Variants in ARHGAP23 observed in about 807,000 individuals in gnomAD.
ARHGAP23 encodes the protein rho GTPase-activating protein 23.
A neutral mutation model predicts 136.3 loss-of-function variants in ARHGAP23; 34 were observed. The observed-to-expected ratio is 0.25, with a 90% confidence interval of 0.19 to 0.33. The LOEUF (loss-of-function observed/expected upper bound fraction) is 0.33. Among genes scored for constraint, ARHGAP23 ranks in the 10% least tolerant of loss-of-function variants. ARHGAP23 has a pLI of 1.00. For synonymous variants in ARHGAP23, 832 were observed against 920.5 expected (o/e 0.90, Z 1.74); for missense variants, 1,808 against 2,139.0 (o/e 0.85, Z 3.05).
At chr17:38,496,587 A>G (rs1384233443) in intron 20 of ARHGAP23, among the ~76,000 whole-genome samples, 1 of 152,210 alleles carries the variant, frequency 6.6e-6, no homozygotes, top group South Asian at 2.1e-4. Flanking sequence ...GTCTTTGTGT[A>G]GTAAATTTTC....
chr17:38,489,449 A>G (rs531959608), intron 17 of ARHGAP23, among the ~76,000 whole-genome samples: 50 of 135,276 alleles, frequency 3.7e-4, no homozygotes, highest in African/African-American at 1.3e-3. Context: ...TGCCTTTATC[A>G]TATAATAAAT....
In ARHGAP23 at chr17:38,466,341, C is replaced by T. The variant is rs774256741; in HGVS notation, c.658C>T (p.Arg220Trp). The T allele has an allele frequency of 1.0e-5, 16 of 1,542,852 alleles. No homozygotes were observed. Among genetic ancestry groups the T allele is most frequent in the African/African-American group, 2.7e-5 (2 of 72,976 alleles). Residue 220 changes from arginine to tryptophan, a missense_variant, in exon 7 of 24, where the codon CGG becomes TGG. Transcript: ENST00000622683. ...CACCTCAGCACTGCCCAGTGACCCC[C>T]GGAGTCCTGCTGCCTGGAGTGACCC... ...EPTSALPSDP[R>W]SPAAWSDPGL...
intron 22 of ARHGAP23, chr17:38,498,965 G>A: frequency 1.4e-6 from 1 of 700,092 alleles, no homozygotes. Flanking sequence ...GTACAGTGCG[G>A]TGTCGCGGCC....
chr17:38,423,193 T>A (rs1372486212), intron 1 of ARHGAP23, among the ~76,000 whole-genome samples: 1 of 151,314 alleles, frequency 6.6e-6, no homozygotes, highest in African/African-American at 2.4e-5. Context: ...AGGTGCTCAA[T>A]AATTTTTTTT....
intron 1 of ARHGAP23, among the ~76,000 whole-genome samples, chr17:38,447,517 C>T (rs1429315460): frequency 2.0e-5 from 3 of 148,772 alleles, no homozygotes; most frequent in African/African-American, 7.4e-5. Flanking sequence ...GAGGGCAAAT[C>T]CATTCTGAAA....
chr17:38,509,836 G>A (rs2144828729), intron 23 of ARHGAP23, 108 bp from the exon 24 acceptor site: 1 of 889,166 alleles, frequency 1.1e-6, no homozygotes, highest in East Asian at 3.3e-5. Flanking sequence ...GCCTTGGCTG[G>A]GGCTTGTGGC....
chr17:38,465,204 T>C (rs7406603), intron 6 of ARHGAP23, among the ~76,000 whole-genome samples: 39,040 of 149,116 alleles, frequency 0.26, 5,386 homozygotes, highest in East Asian at 0.42. Flanking sequence ...GCCGGCCCTG[T>C]GCCAGCTGGA....
rs1426813591 is a variant in ARHGAP23, at chr17:38,498,528, G to C, written c.3415+18G>C. ...GGGGTCAGGTGAGCGCAGGGGCCTG[G>C]GAGTGGGGAGGCGGGAGGTTGGACA... On this transcript the variant is annotated intron_variant, in intron 22 of 23. Coordinates refer to ENST00000622683, the MANE Select transcript of ARHGAP23 (RefSeq NM_001199417.2). The C allele has an allele frequency of 6.6e-7, 1 of 1,520,648 alleles. No individual in the cohort carries two copies. Among genetic ancestry groups the C allele is most frequent in the East Asian group, 2.5e-5 (1 of 40,322 alleles). The allele number at this position is 1,520,648 out of a possible 1,614,324, so 94.2% of individuals were successfully genotyped here.
chr17:38,510,733 C>A lies in ARHGAP23; in HGVS notation c.4237C>A (p.Pro1413Thr). 6.8e-7 allele frequency: 1 copy of A among 1,479,414 alleles called. No individual in the cohort carries two copies. The allele number at this position is 1,479,414 out of a possible 1,614,324, so 91.6% of individuals were successfully genotyped here. A position where few individuals can be genotyped will look rare whatever the true frequency, so the allele number is the denominator to read the frequency against. The change falls in exon 24 of 24, where the codon CCG becomes ACG. Residue 1413 changes from proline (P) to threonine (T), a missense_variant. Physicochemically the swap from Pro to Thr is conservative, Grantham distance 38. This residue lies in a region of ARHGAP23 where 506 missense variants were observed against 455.8 expected (regional missense o/e 1.11). Coordinates refer to ENST00000622683, the MANE Select transcript of ARHGAP23 (RefSeq NM_001199417.2). The surrounding 1 kb of genome is among the most constrained non-coding windows in gnomAD (Gnocchi z 4.6). ...CCGCCACACCGTGGTGGTGCAGAGC[C>A]CGCTGACTGACCTCAACTTCAACGA... ...WRRHTVVVQS[P>T]LTDLNFNEWK...
At position 38,500,588 on chromosome 17, in the gene ARHGAP23, C is replaced by G; in HGVS notation, c.3416-9C>G. On this transcript the variant is annotated splice_polypyrimidine_tract_variant and intron_variant, in intron 22 of 23. Transcript: ENST00000622683. ...AACTTTCATTTTTTTTTCTGTCTTT[C>G]ACCAACAGATTCTACCACCTGTAGT... 6.5e-6 allele frequency: 10 copies of G among 1,548,530 alleles called. No individual in the cohort carries two copies. Among genetic ancestry groups the G allele is most frequent in the Non-Finnish European group, 8.7e-6 (10 of 1,146,208 alleles).
In ARHGAP23 at chr17:38,511,748, G is replaced by A. The variant is rs1040792832; in HGVS notation, c.*776G>A. The A allele has an allele frequency of 7.2e-5, 11 of 152,186 alleles. No homozygotes were observed. The highest frequency in any genetic ancestry group is 2.7e-4 in the African/African-American group (11 of 41,376). The allele number at this position is 152,186 out of a possible 1,614,324, so 9.4% of individuals were successfully genotyped here. ...TGTTCCCCAGACAGTTTTTGGTGGGGGGGGTCCAGGGTCCCCCTTGCTGGT... is the reference window on the plus strand; with the variant it reads ...TGTTCCCCAGACAGTTTTTGGTGGGAGGGGTCCAGGGTCCCCCTTGCTGGT... On this transcript the variant is annotated 3_prime_UTR_variant, in exon 24 of 24. Transcript: ENST00000622683.
upstream of ARHGAP23, among the ~76,000 whole-genome samples, chr17:38,426,833 G>A (rs1290878943): frequency 6.6e-6 from 1 of 152,130 alleles, no homozygotes; most frequent in African/African-American, 2.4e-5. Flanking sequence ...CCTAATTGTT[G>A]TCTGGGGCAC....
Position 38,510,348 on chromosome 17 carries a change from C to G in ARHGAP23, c.3852C>G (p.His1284Gln). 2 of 1,251,092 alleles carry G rather than the reference C, an allele frequency of 1.6e-6. No homozygotes were observed. Among genetic ancestry groups the G allele is most frequent in the Non-Finnish European group, 2.0e-6 (2 of 998,768 alleles). The allele number at this position is 1,251,092 out of a possible 1,614,324, so 77.5% of individuals were successfully genotyped here. ...ACGACGAGCGTAGCGAGCTGAGCCACGTGGAGACGGACACTGAGGGCGCGG... is the reference window on the plus strand; with the variant it reads ...ACGACGAGCGTAGCGAGCTGAGCCAGGTGGAGACGGACACTGAGGGCGCGG... ...EADDERSELS[H>Q]VETDTEGAAG... Residue 1284 changes from histidine to glutamine, a missense_variant, in exon 24 of 24, where the codon CAC becomes CAG. Transcript: ENST00000622683. This position sits in a 1 kb window ranked among gnomAD's most constrained non-coding sequence, Gnocchi z 4.6.
Position 38,510,207 on chromosome 17 carries a change from G to T in ARHGAP23, c.3711G>T (p.Glu1237Asp). Residue 1237 changes from glutamate to aspartate, a missense_variant, in exon 24 of 24, where the codon GAG becomes GAT. Around this residue, in one of 7 missense-constraint regions of ARHGAP23, gnomAD observed 506 missense variants for 455.8 expected, o/e 1.11. Coordinates refer to ENST00000622683, the MANE Select transcript of ARHGAP23 (RefSeq NM_001199417.2). The surrounding 1 kb of genome is among the most constrained non-coding windows in gnomAD (Gnocchi z 4.6). Reference protein sequence around the residue: ...GRLSPPAAPEERPAADTRSIV... With the variant: ...GRLSPPAAPEDRPAADTRSIV... ...TCAGTCCCCCGGCGGCGCCGGAGGA[G>T]CGGCCGGCCGCGGACACGCGCTCCA... 1 of 1,367,902 alleles carries T rather than the reference G, an allele frequency of 7.3e-7. No homozygotes were observed. Among genetic ancestry groups the T allele is most frequent in the South Asian group, 1.8e-5 (1 of 55,236 alleles). The allele number at this position is 1,367,902 out of a possible 1,614,324, so 84.7% of individuals were successfully genotyped here.
At chr17:38,460,871 C>T in intron 2 of ARHGAP23, 34 bp from the exon 3 acceptor site, 1 of 1,536,084 alleles carries the variant, frequency 6.5e-7, no homozygotes, top group East Asian at 2.4e-5. Flanking sequence ...GAGGGCTGGA[C>T]TGACGCCCAC....
chr17:38,487,104 G>A (rs1400787844), intron 17 of ARHGAP23, among the ~76,000 whole-genome samples: 2 of 152,214 alleles, frequency 1.3e-5, no homozygotes, highest in African/African-American at 4.8e-5. Context: ...ACATGGAATT[G>A]GGAAGAGAGG....
chr17:38,427,933 C>T (rs551384735), upstream of ARHGAP23, among the ~76,000 whole-genome samples: 1 of 152,106 alleles, frequency 6.6e-6, no homozygotes, highest in Non-Finnish European at 1.5e-5. Context: ...TTTCTGTCTT[C>T]CCCCCTTTCT....
intron 10 of ARHGAP23, among the ~76,000 whole-genome samples, chr17:38,471,480 C>G (rs1317154412): frequency 1.3e-5 from 2 of 152,222 alleles, no homozygotes; most frequent in Non-Finnish European, 2.9e-5. Flanking sequence ...ACTACCTGCT[C>G]CACTCACTCA....
intron 1 of ARHGAP23, among the ~76,000 whole-genome samples, chr17:38,430,036 G>A (rs1050475574): frequency 1.1e-4 from 16 of 152,188 alleles, no homozygotes; most frequent in Admixed American, 8.5e-4. Context: ...CCACAGTGTG[G>A]TTGGGTCCAC....
Sources: gnomAD v4.1 joint callset for allele counts (sites outside exome capture counted in the v4.1 genomes callset) on GRCh38, gnomAD v4.1.1 for gene constraint, gnomAD v4.1.1 regional missense constraint, Gnocchi (gnomAD v3.1) non-coding constraint, MANE v1.5 for transcripts, NCBI Gene and HGNC (gene_info 2026-07-23, HGNC 2026-07-21) for gene names.